The following RBPJ variants were observed in gnomAD, a reference collection of about 807,000 sequenced individuals.
The protein encoded by RBPJ is recombining binding protein suppressor of hairless.
Under a neutral mutation model 67.8 loss-of-function variants are expected in RBPJ, and 9 were observed. The observed-to-expected ratio is 0.13, with a 90% confidence interval of 0.08 to 0.23. The LOEUF (loss-of-function observed/expected upper bound fraction) is 0.23, where lower values mean the gene tolerates loss of function less well. RBPJ is among the 10% of genes least tolerant of loss of function. RBPJ has a pLI of 1.00. For synonymous variants in RBPJ, 198 were observed against 203.3 expected, an observed-to-expected ratio of 0.97 and a Z score of 0.22; for missense variants, 305 against 595.6, an observed-to-expected ratio of 0.51 and a Z score of 5.08.
Position 26,386,379 on chromosome 4 carries a change from A to C in RBPJ, c.47A>C (p.Lys16Thr). The C allele has an allele frequency of 6.2e-7, 1 of 1,600,068 alleles. No individual in the cohort carries two copies. Among genetic ancestry groups the C allele is most frequent in the Admixed American group, 1.7e-5 (1 of 58,628 alleles). ...TGKFGERPPP[K>T]RLTREAMRNY... Reference sequence around the variant, plus strand: ...AAATTTGGTGAGCGGCCTCCACCTAAACGACTTACTAGGTGAGTATTATAT... The same window carrying C: ...AAATTTGGTGAGCGGCCTCCACCTACACGACTTACTAGGTGAGTATTATAT... Residue 16 changes from lysine to threonine, a missense_variant, in exon 2 of 11, where the codon AAA becomes ACA. Lys to Thr is a moderately conservative substitution (Grantham distance 78). Around this residue, in one of 7 missense-constraint regions of RBPJ, gnomAD observed 42 missense variants for 43.6 expected, o/e 0.96. Transcript: ENST00000355476.
chr4:26,143,996 T>A, the RBPJ span, among the ~76,000 whole-genome samples: 1 of 152,176 alleles, frequency 6.6e-6, no homozygotes, highest in South Asian at 2.1e-4. Flanking sequence ...AAAGACATTA[T>A]TGTAGAAAAA....
chr4:26,425,127 G>A (rs1735506856), intron 7 of RBPJ: 1 of 245,546 alleles, frequency 4.1e-6, no homozygotes, highest in Non-Finnish European at 7.7e-6. Flanking sequence ...TCCCAATGTA[G>A]GACCAAGTTT....
At chr4:26,246,278 T>C (rs1475749992) in intron 1 of RBPJ, among the ~76,000 whole-genome samples, 1 of 152,242 alleles carries the variant, frequency 6.6e-6, no homozygotes, top group East Asian at 1.9e-4. Context: ...GGACTTGCAC[T>C]GTTTTTGTTA....
In RBPJ at chr4:26,432,566, C is replaced by T. The variant is rs1736336047; in HGVS notation, c.*1559C>T. 6.6e-6 allele frequency: 1 copy of T among 152,156 alleles called. No individual in the cohort carries two copies. Among genetic ancestry groups the T allele is most frequent in the African/African-American group, 2.4e-5 (1 of 41,424 alleles). The allele number at this position is 152,156 out of a possible 1,614,324, so 9.4% of individuals were successfully genotyped here. A position where few individuals can be genotyped will look rare whatever the true frequency, so the allele number is the denominator to read the frequency against. On this transcript the variant is annotated 3_prime_UTR_variant, in exon 11 of 11. Transcript: ENST00000355476. ...CCGCCGGTTTTACCGTGCTTTCATT[C>T]CTGAACTTTGTTTATGCCTTTGTTT... is the stretch of plus-strand genomic sequence containing the variant.
At position 26,265,421 on chromosome 4, in the gene RBPJ, C is replaced by T. The variant is rs549780319; in HGVS notation, c.-166-97025C>T. On this transcript the variant is annotated intron_variant, in intron 1 of 4. Transcript: ENST00000512351. ...GTGGGCATCTGTAATCCCAGCTACT[C>T]GGGAGGCTGAGGCATGAGAATTGCC... 1.1e-4 allele frequency among the ~76,000 whole-genome samples: 17 copies of T among 151,248 alleles called. No individual in the cohort carries two copies. The South Asian group carries it at 1.5e-3, about 13-fold the overall frequency.
chr4:26,292,566 G>A (rs886452255), intron 1 of RBPJ, among the ~76,000 whole-genome samples: 8 of 150,068 alleles, frequency 5.3e-5, no homozygotes, highest in African/African-American at 1.2e-4. Flanking sequence ...GATTACAGCC[G>A]CCCACCATCG....
intron 1 of RBPJ, among the ~76,000 whole-genome samples, chr4:26,369,946 G>A (rs1271654162): frequency 6.6e-6 from 1 of 152,012 alleles, no homozygotes; most frequent in Non-Finnish European, 1.5e-5. Context: ...TGTACATTCT[G>A]CCTGTAAAAG....
chr4:26,308,820 T>G (rs537904472), intron 1 of RBPJ, among the ~76,000 whole-genome samples: 2 of 152,324 alleles, frequency 1.3e-5, no homozygotes, highest in African/African-American at 4.8e-5. Context: ...GAAACCTTTC[T>G]GGTAGGCTTT....
At chr4:26,317,329 G>A (rs1329427800), upstream of RBPJ, among the ~76,000 whole-genome samples, 1 of 152,034 alleles carries the variant, frequency 6.6e-6, no homozygotes, top group Non-Finnish European at 1.5e-5. Flanking sequence ...TGAGGGAAGA[G>A]CATTCCAGGT....
chr4:26,431,400 G>C lies in RBPJ; in HGVS notation c.*393G>C, dbSNP rs367624709. 167 of 171,272 alleles carry C rather than the reference G, an allele frequency of 9.8e-4. 7 individuals carry two copies. In the South Asian group the frequency reaches 0.023, roughly 24 times the overall value. 10.6% of individuals were successfully genotyped at this position (171,272 alleles called of 1,614,324 possible). On this transcript the variant is annotated 3_prime_UTR_variant, in exon 11 of 11. Coordinates refer to ENST00000355476, the MANE Select transcript of RBPJ (RefSeq NM_015874.6). The stretch of plus-strand genomic sequence containing the variant: ...TTATGGACCAAGGAACTTGTATATT[G>C]TATAAGCTTTAGTAAAAGGTACATT...
Position 26,415,495 on chromosome 4 carries a change from G to A in RBPJ, c.176G>A (p.Cys59Tyr). Residue 59 changes from cysteine (C) to tyrosine (Y), a missense_variant, in exon 4 of 11, where the codon TGT (cysteine) becomes TAT (tyrosine). Coordinates refer to ENST00000355476, the MANE Select transcript of RBPJ (RefSeq NM_015874.6). ...TTCAGGTTTTTTTGCCCACCTCCTT[G>A]TGTATATCTTATGGGCAGTGGATGG... The part of the protein sequence containing the change: ...NEKRFFCPPP[C>Y]VYLMGSGWKK... The A allele has an allele frequency of 1.2e-6, 2 of 1,600,914 alleles. No individual in the cohort carries two copies. The highest frequency in any genetic ancestry group is 1.7e-6 in the Non-Finnish European group (2 of 1,175,798).
At chr4:26,220,742 T>C (rs565554069) in intron 1 of RBPJ, among the ~76,000 whole-genome samples, 2 of 152,298 alleles carry the variant, frequency 1.3e-5, no homozygotes, top group East Asian at 3.9e-4. Context: ...ATCATCCCTA[T>C]CTCCACAGAT....
At chr4:26,114,184 C>T in the RBPJ span, among the ~76,000 whole-genome samples, 23 of 152,056 alleles carry the variant, frequency 1.5e-4, no homozygotes, top group Non-Finnish European at 3.4e-4. Flanking sequence ...GTGGGCCTGG[C>T]GTGTTGGCTC....
intron 3 of RBPJ, among the ~76,000 whole-genome samples, chr4:26,414,162 A>G (rs1293427659): frequency 1.3e-5 from 2 of 152,022 alleles, no homozygotes; most frequent in African/African-American, 4.8e-5. Flanking sequence ...TTGGGTAACT[A>G]AAGGATATTC....
intron 1 of RBPJ, among the ~76,000 whole-genome samples, chr4:26,356,438 C>A (rs1359156722): frequency 6.6e-6 from 1 of 152,196 alleles, no homozygotes; most frequent in African/African-American, 2.4e-5. Context: ...CTGTTTGTAA[C>A]CCATTTGAAA....
chr4:26,260,623 C>T (rs945203114), intron 1 of RBPJ, among the ~76,000 whole-genome samples: 1 of 152,152 alleles, frequency 6.6e-6, no homozygotes, highest in African/African-American at 2.4e-5. Flanking sequence ...TTGTTGATGG[C>T]AATGACTTAT....
At chr4:26,364,748 C>T (rs1045186040) in intron 1 of RBPJ, among the ~76,000 whole-genome samples, 15 of 151,650 alleles carry the variant, frequency 9.9e-5, no homozygotes, top group Non-Finnish European at 4.4e-5. Context: ...GCCTCAGCCT[C>T]CCCAGTAGCT....
chr4:26,230,032 A>G (rs1158554409), intron 1 of RBPJ, among the ~76,000 whole-genome samples: 1 of 152,106 alleles, frequency 6.6e-6, no homozygotes, highest in Non-Finnish European at 1.5e-5. Context: ...CTGCAAAAAA[A>G]TACAAAAAAT....
chr4:26,178,700 G>A (rs554554845), intron 1 of RBPJ, among the ~76,000 whole-genome samples: 15 of 150,278 alleles, frequency 1.0e-4, no homozygotes, highest in African/African-American at 2.7e-4. Context: ...GTGAAATCCC[G>A]GGAACAATTT....
Sources: allele counts gnomAD v4.1 joint callset (sites outside exome capture counted in the v4.1 genomes callset), GRCh38; gene constraint gnomAD v4.1.1; regional missense constraint gnomAD v4.1.1; transcripts MANE v1.5; gene names NCBI Gene and HGNC (gene_info 2026-07-23, HGNC 2026-07-21).